SEMA6D: variants seen among roughly 807,000 people sequenced by gnomAD.
The protein encoded by SEMA6D is semaphorin 6D.
SEMA6D carries 35 observed loss-of-function variants against 106.6 expected under a neutral mutation model. That is an observed-to-expected ratio of 0.33 (90% CI 0.25 to 0.44). The LOEUF is 0.44. Among genes scored for constraint, SEMA6D ranks in the 20% least tolerant of loss-of-function variants. The pLI, the probability that SEMA6D is intolerant of heterozygous loss-of-function variation, is 1.00. For synonymous variants in SEMA6D, 499 were observed against 487.7 expected, an observed-to-expected ratio of 1.02 and a Z score of -0.31; for missense variants, 1,185 against 1,345.9, an observed-to-expected ratio of 0.88 and a Z score of 1.87.
chr15:47,297,587 G>C (rs1173347620), intron 1 of SEMA6D, among the ~76,000 whole-genome samples: 1 of 152,144 alleles, frequency 6.6e-6, no homozygotes, highest in Non-Finnish European at 1.5e-5. Context: ...CTCAATTCCA[G>C]ACACTGGCCC....
intron 2 of SEMA6D, among the ~76,000 whole-genome samples, chr15:47,415,852 G>T (rs576034264): frequency 2.6e-5 from 4 of 152,292 alleles, no homozygotes; most frequent in African/African-American, 9.6e-5. Context: ...GTTGGAAAAT[G>T]TAACTTAAAT....
intron 4 of SEMA6D, among the ~76,000 whole-genome samples, chr15:47,682,122 T>TGAGGAGACAA (rs2078366759): frequency 1.3e-5 from 2 of 152,002 alleles, no homozygotes; most frequent in Non-Finnish European, 2.9e-5. Flanking sequence ...TCTCAACGAG[T>TGAGGAGACAA]TACTATGTGA....
At chr15:47,741,197 T>G (rs1194146142) in intron 1 of SEMA6D, among the ~76,000 whole-genome samples, 2 of 152,210 alleles carry the variant, frequency 1.3e-5, no homozygotes, top group Non-Finnish European at 2.9e-5. Context: ...CTACAGACAT[T>G]GAAGTCAAAC....
chr15:47,639,143 G>T (rs1382791511), intron 4 of SEMA6D, among the ~76,000 whole-genome samples: 1 of 152,112 alleles, frequency 6.6e-6, no homozygotes, highest in Non-Finnish European at 1.5e-5. Context: ...TCTTTAAAGG[G>T]ATGACCACCA....
At chr15:47,317,366 A>G (rs1370037703) in intron 1 of SEMA6D, among the ~76,000 whole-genome samples, 1 of 152,068 alleles carries the variant, frequency 6.6e-6, no homozygotes, top group Non-Finnish European at 1.5e-5. Flanking sequence ...AAGAACTAGC[A>G]TTTTGTTTTG....
intron 4 of SEMA6D, among the ~76,000 whole-genome samples, chr15:47,690,325 C>T (rs923056504): frequency 5.3e-5 from 8 of 152,070 alleles, no homozygotes; most frequent in Non-Finnish European, 1.0e-4. Context: ...AAAGGAATAG[C>T]ATTTGACTTA....
chr15:47,377,850 C>T (rs980772699), intron 1 of SEMA6D, among the ~76,000 whole-genome samples: 7 of 152,242 alleles, frequency 4.6e-5, no homozygotes, highest in African/African-American at 1.7e-4. Flanking sequence ...TCTGCATTTC[C>T]TTTTAGTCAG....
intron 3 of SEMA6D, among the ~76,000 whole-genome samples, chr15:47,479,472 A>G (rs1429942807): frequency 6.6e-6 from 1 of 152,194 alleles, no homozygotes; most frequent in East Asian, 1.9e-4. Flanking sequence ...CACTGCTAGT[A>G]ATACTAATAA....
intron 2 of SEMA6D, among the ~76,000 whole-genome samples, chr15:47,469,575 A>G (rs2042769384): frequency 6.6e-6 from 1 of 152,184 alleles, no homozygotes; most frequent in Admixed American, 6.6e-5. Context: ...ACATTTAAAC[A>G]TCCTCCAGAT....
At chr15:47,220,837 G>A (rs1486559936) in intron 1 of SEMA6D, among the ~76,000 whole-genome samples, 1 of 151,996 alleles carries the variant, frequency 6.6e-6, no homozygotes, top group East Asian at 1.9e-4. Flanking sequence ...TGCAACTTTT[G>A]TTTTACAGAA....
chr15:47,444,704 A>G (rs2041977786), intron 2 of SEMA6D, among the ~76,000 whole-genome samples: 1 of 152,126 alleles, frequency 6.6e-6, no homozygotes, highest in African/African-American at 2.4e-5. Context: ...GAATGGGAAC[A>G]CACAGACAGG....
chr15:47,708,252 A>G (rs191314307), intron 4 of SEMA6D, among the ~76,000 whole-genome samples: 134 of 152,308 alleles, frequency 8.8e-4, no homozygotes, highest in Non-Finnish European at 1.7e-3. Context: ...ACTTGGTACA[A>G]TGATCTCATC....
At chr15:47,266,946 T>A (rs1416809847) in intron 1 of SEMA6D, among the ~76,000 whole-genome samples, 1 of 152,186 alleles carries the variant, frequency 6.6e-6, no homozygotes, top group Non-Finnish European at 1.5e-5. Context: ...AGACTTTAAA[T>A]GTTTTAAAAC....
intron 4 of SEMA6D, among the ~76,000 whole-genome samples, chr15:47,700,722 C>T (rs1316868807): frequency 7.2e-5 from 11 of 151,816 alleles, no homozygotes; most frequent in African/African-American, 2.7e-4. Flanking sequence ...CCCAGGGGTT[C>T]GAGGCCAGCC....
At chr15:47,573,680 T>C (rs140635559) in intron 3 of SEMA6D, among the ~76,000 whole-genome samples, 2 of 152,332 alleles carry the variant, frequency 1.3e-5, no homozygotes, top group East Asian at 1.9e-4. Flanking sequence ...TTGCCACTAT[T>C]AAAACATGTC....
chr15:47,325,452 G>A (rs1013447346), intron 1 of SEMA6D, among the ~76,000 whole-genome samples: 2 of 151,758 alleles, frequency 1.3e-5, no homozygotes, highest in Non-Finnish European at 2.9e-5. Context: ...GATTACAGGC[G>A]TGAGCCACCG....
At chr15:47,735,090 T>C (rs1483750138) in intron 1 of SEMA6D, among the ~76,000 whole-genome samples, 1 of 152,190 alleles carries the variant, frequency 6.6e-6, no homozygotes. Flanking sequence ...AAAACTCTAA[T>C]ATACAAATAT....
intron 4 of SEMA6D, among the ~76,000 whole-genome samples, chr15:47,662,625 A>G (rs1313856429): frequency 6.6e-6 from 1 of 152,114 alleles, no homozygotes; most frequent in African/African-American, 2.4e-5. Flanking sequence ...ACGTATACAT[A>G]TTTACATCAT....
intron 3 of SEMA6D, among the ~76,000 whole-genome samples, chr15:47,580,779 TC>T (rs1213810517): frequency 6.6e-6 from 1 of 152,178 alleles, no homozygotes; most frequent in African/African-American, 2.4e-5. Flanking sequence ...TGCTATCAGA[TC>T]CCCTATAATG....
Sources: gnomAD v4.1 joint callset for allele counts (sites outside exome capture counted in the v4.1 genomes callset) on GRCh38, gnomAD v4.1.1 for gene constraint, MANE v1.5 for transcripts, NCBI Gene and HGNC (gene_info 2026-07-23, HGNC 2026-07-21) for gene names.